Variants in HOMER3 observed in about 807,000 individuals in gnomAD.
HOMER3 encodes the protein homer protein homolog 3.
Under a neutral mutation model 45.5 loss-of-function variants are expected in HOMER3, and 34 were observed. The observed-to-expected ratio is 0.75, with a 90% CI of 0.57 to 1.00. The LOEUF is 1.00. Ranked by LOEUF, HOMER3 falls within the 50% of genes least tolerant of loss-of-function variation. HOMER3 has a pLI of 0.00. For missense variants in HOMER3, 480 were observed against 497.5 expected (o/e 0.96, Z 0.33); for synonymous variants, 223 against 208.8 (o/e 1.07, Z -0.58).
At chr19:18,937,136 C>T (rs1423158792) in intron 4 of HOMER3, among the ~76,000 whole-genome samples, 7 of 151,304 alleles carry the variant, frequency 4.6e-5, no homozygotes. Context: ...GAGATCCTAT[C>T]TCTAAAAAAA....
In HOMER3 at chr19:18,931,305, C is replaced by T; in HGVS notation, c.894+20G>A. On this transcript the variant is annotated intron_variant, in intron 9 of 9. Coordinates refer to ENST00000392351, the MANE Select transcript of HOMER3 (RefSeq NM_004838.4). ...TGACTGTCACCCACCGTCACCCCAC[C>T]TCCTTGTGCCCACACACACCTGCAC... 6.2e-7 allele frequency: 1 copy of T among 1,607,794 alleles called. No individual in the cohort carries two copies. The highest frequency in any genetic ancestry group is 1.1e-5 in the South Asian group (1 of 90,890).
rs1185568767 is a variant in HOMER3 at position 18,932,905 on chromosome 19, C to A, written c.533+19G>T. The A allele has an allele frequency of 7.3e-7, 1 of 1,371,550 alleles. No homozygotes were observed. The highest frequency in any genetic ancestry group is 2.9e-5 in the East Asian group (1 of 34,878). 85.0% of individuals were successfully genotyped at this position (1,371,550 alleles called of 1,614,324 possible). On this transcript the variant is annotated intron_variant, in intron 6 of 9. Coordinates refer to ENST00000392351, the MANE Select transcript of HOMER3 (RefSeq NM_004838.4). ...CCCCTACCCCCGCCCCTGCCACGCC[C>A]CCAAGTCCCGCCCCTCACCCCTCAG...
chr19:18,930,321 G>A (rs2057017486), intron 9 of HOMER3, among the ~76,000 whole-genome samples: 1 of 150,318 alleles, frequency 6.7e-6, no homozygotes, highest in Non-Finnish European at 1.5e-5. Flanking sequence ...GCCGAGGCGA[G>A]TGGATCATAA....
chr19:18,931,716 C>G (rs575503711), intron 7 of HOMER3, 91 bp from the exon 8 acceptor site: 1 of 1,510,800 alleles, frequency 6.6e-7, no homozygotes, highest in African/African-American at 1.4e-5. Flanking sequence ...TGTCTGGCCA[C>G]GCCCAGGACC....
chr19:18,939,266 C>T, intron 1 of HOMER3: 2 of 412,020 alleles, frequency 4.9e-6, no homozygotes, highest in Non-Finnish European at 8.6e-6. Flanking sequence ...ATGGCGAGAC[C>T]CCATCTCTAC....
intron 1 of HOMER3, 149 bp downstream of exon 1, chr19:18,940,902 G>C (rs972267900): frequency 6.6e-6 from 1 of 152,190 alleles, no homozygotes; most frequent in African/African-American, 2.4e-5. Context: ...CGGGACCCCC[G>C]CGCTCCCTCC....
Position 18,929,564 on chromosome 19 carries a change from C to T in HOMER3, c.965G>A (p.Arg322Gln), listed in dbSNP as rs1386003117. 5.8e-6 allele frequency: 9 copies of T among 1,550,234 alleles called. No individual in the cohort carries two copies. The highest frequency in any genetic ancestry group is 5.2e-6 in the Non-Finnish European group (6 of 1,148,666). ...AGCCCGCGCCCGCTCCCGCTCTGCC[C>T]GTGCCTCCTCCAGGCTGCGCTCCAT... ...RAMERSLEEA[R>Q]AERERARAEV... Residue 322 changes from arginine (R) to glutamine (Q), a missense_variant, in exon 10 of 10, where the codon CGG (arginine) becomes CAG (glutamine). Coordinates refer to ENST00000392351, the MANE Select transcript of HOMER3 (RefSeq NM_004838.4).
At chr19:18,932,344 C>G (rs2057044681) in intron 6 of HOMER3, among the ~76,000 whole-genome samples, 1 of 122,898 alleles carries the variant, frequency 8.1e-6, no homozygotes, top group Admixed American at 8.9e-5. Context: ...AGCGGCAATG[C>G]TCGGTTAGGG....
chr19:18,936,385 C>A (rs1425853271), intron 4 of HOMER3, among the ~76,000 whole-genome samples: 1 of 150,664 alleles, frequency 6.6e-6, no homozygotes, highest in Admixed American at 6.6e-5. Flanking sequence ...ACCTGTAATC[C>A]CATCACTTTG....
chr19:18,938,530 C>T lies in HOMER3; in HGVS notation c.172-46G>A, dbSNP rs906210160. ...TCAAGGTAGATGGGACAGATACTAA[C>T]AAACATGAAACCCCCCAGGTATTAC... On this transcript the variant is annotated intron_variant, in intron 3 of 9. Transcript: ENST00000392351. 5 of 1,593,444 alleles carry T rather than the reference C, an allele frequency of 3.1e-6. No individual in the cohort carries two copies. In the African/African-American group the frequency reaches 6.7e-5, roughly 21 times the overall value.
Position 18,931,330 on chromosome 19 carries a change from C to T in HOMER3, c.889G>A (p.Val297Met). Residue 297 changes from valine to methionine, a missense_variant, in exon 9 of 10, where the codon GTG becomes ATG. Coordinates refer to ENST00000392351, the MANE Select transcript of HOMER3 (RefSeq NM_004838.4). The stretch of plus-strand genomic sequence containing the variant: ...CTCCTTGTGCCCACACACACCTGCA[C>T]CTTCTGCTGAGTCTCCTCACGCTCG... ...AAEREETQQKVQDLETRNAEL... is the reference protein window; with the variant it reads ...AAEREETQQKMQDLETRNAEL... 1 of 1,614,078 alleles carries T rather than the reference C, an allele frequency of 6.2e-7. No individual in the cohort carries two copies.
At chr19:18,935,836 A>G (rs1481780643) in intron 4 of HOMER3, among the ~76,000 whole-genome samples, 1 of 151,976 alleles carries the variant, frequency 6.6e-6, no homozygotes, top group Non-Finnish European at 1.5e-5. Flanking sequence ...CCTGGCCAAC[A>G]TGGTGAAACC....
At chr19:18,936,353 T>TA (rs139261192) in intron 4 of HOMER3, among the ~76,000 whole-genome samples, 2,918 of 149,974 alleles carry the variant, frequency 0.019, 95 homozygotes, top group African/African-American at 0.067. Context: ...AATGATTTTT[T>TA]AGGCTGGGTG....
rs1314802163 is a variant in HOMER3, at chr19:18,932,394, C to T, written c.534-262G>A. 2.9e-5 allele frequency among the ~76,000 whole-genome samples: 3 copies of T among 104,132 alleles called. No homozygotes were observed. The East Asian group carries it at 7.9e-4, about 27-fold the overall frequency. 68.3% of individuals were successfully genotyped at this position (104,132 alleles called of 152,430 possible). A position where few individuals can be genotyped will look rare whatever the true frequency, so the allele number is the denominator to read the frequency against. On this transcript the variant is annotated intron_variant, in intron 6 of 9. Coordinates refer to ENST00000392351, the MANE Select transcript of HOMER3 (RefSeq NM_004838.4). Reference sequence around the variant, plus strand: ...GGGTGGCGCTGGGCTGAGGCGGAGTCACGGGCGATGCTGGGCTAGGGGGCG... The same window carrying T: ...GGGTGGCGCTGGGCTGAGGCGGAGTTACGGGCGATGCTGGGCTAGGGGGCG...
At chr19:18,929,981 G>A (rs1463989599) in intron 9 of HOMER3, among the ~76,000 whole-genome samples, 1 of 151,974 alleles carries the variant, frequency 6.6e-6, no homozygotes, top group Non-Finnish European at 1.5e-5. Flanking sequence ...GCCCAGTGAT[G>A]GCTTACACCT....
intron 5 of HOMER3, among the ~76,000 whole-genome samples, 179 bp from the exon 6 acceptor site, chr19:18,933,224 C>T (rs905631670): frequency 1.3e-5 from 2 of 152,110 alleles, no homozygotes; most frequent in African/African-American, 4.8e-5. Flanking sequence ...CCCTGTGGCC[C>T]CTAAGCTGGG....
At chr19:18,935,152 T>TGG (rs149563661) in intron 4 of HOMER3, among the ~76,000 whole-genome samples, 39 of 106,732 alleles carry the variant, frequency 3.7e-4, no homozygotes, top group African/African-American at 7.7e-4. Flanking sequence ...TTTTTTTTTT[T>TGG]GGGGGGGGAC....
At position 18,941,035 on chromosome 19, in the gene HOMER3, G is replaced by C. The variant is rs1254407908; in HGVS notation, c.-68+16C>G. The C allele has an allele frequency of 6.6e-6, 1 of 151,838 alleles. No individual in the cohort carries two copies. The allele number at this position is 151,838 out of a possible 1,614,324, so 9.4% of individuals were successfully genotyped here. On this transcript the variant is annotated intron_variant, in intron 1 of 9. Transcript: ENST00000392351. ...GCCCCCGCGCTCCCAGCGCAGGCTC[G>C]GCAGGCCGGGCTCACCCTGCCAGGT...
chr19:18,935,748 G>A lies in HOMER3; in HGVS notation c.304-1338C>T, dbSNP rs147808785. The stretch of plus-strand genomic sequence containing the variant: ...AAAAATAATTTTTTAGGCCGGGTGC[G>A]GTGGCTCACACCTGTAATCCCAGCA... On this transcript the variant is annotated intron_variant, in intron 4 of 9. Transcript: ENST00000392351. Among the ~76,000 whole-genome samples, 12 of 152,200 alleles carry A rather than the reference G, an allele frequency of 7.9e-5. No homozygotes were observed. In the East Asian group the frequency reaches 1.3e-3, roughly 17 times the overall value.
Sources: gnomAD v4.1 joint callset for allele counts (sites outside exome capture counted in the v4.1 genomes callset) on GRCh38, gnomAD v4.1.1 for gene constraint, MANE v1.5 for transcripts, NCBI Gene and HGNC (gene_info 2026-07-23, HGNC 2026-07-21) for gene names.